Variants in BAZ2B observed in about 807,000 individuals in gnomAD.
BAZ2B encodes the protein bromodomain adjacent to zinc finger domain 2B, also known as bromodomain adjacent to zinc finger domain protein 2B.
Under a neutral mutation model 246.0 loss-of-function variants are expected in BAZ2B, and 91 were observed. The ratio of observed to expected loss-of-function variants is 0.37; its 90% confidence interval spans 0.31 to 0.44. The LOEUF is 0.44. Ranked by LOEUF, BAZ2B falls within the 20% of genes least tolerant of loss-of-function variation. BAZ2B has a pLI of 1.00. For missense variants in BAZ2B, 2,332 were observed against 2,533.7 expected (o/e 0.92, Z 1.71); for synonymous variants, 855 against 860.0 (o/e 0.99, Z 0.10).
In BAZ2B at chr2:159,373,194, T is replaced by G; in HGVS notation, c.4069-5A>C. ...CCTTCTGTACTGACTCTGTTGCTGT[T>G]AAAAAAATGGTACATATAATTAGGT... is the stretch of plus-strand genomic sequence containing the variant. On this transcript the variant is annotated splice_polypyrimidine_tract_variant and splice_region_variant and intron_variant, in intron 26 of 36. Coordinates refer to ENST00000392783, the MANE Select transcript of BAZ2B (RefSeq NM_013450.4). 1 of 1,600,086 alleles carries G rather than the reference T, an allele frequency of 6.2e-7. No individual in the cohort carries two copies. The highest frequency in any genetic ancestry group is 8.5e-7 in the Non-Finnish European group (1 of 1,175,068).
chr2:159,645,398 G>A, the BAZ2B span, among the ~76,000 whole-genome samples: 1 of 152,102 alleles, frequency 6.6e-6, no homozygotes. Flanking sequence ...CACAGATGGA[G>A]CAAGGTGGGA....
the BAZ2B span, among the ~76,000 whole-genome samples, chr2:159,636,204 C>A: frequency 1.3e-5 from 2 of 152,206 alleles, no homozygotes; most frequent in African/African-American, 2.4e-5. Context: ...ATCACAAAAA[C>A]CAAAAGTAAG....
intron 3 of BAZ2B, among the ~76,000 whole-genome samples, chr2:159,454,085 T>A (rs1282294273): frequency 6.6e-6 from 1 of 152,112 alleles, no homozygotes; most frequent in East Asian, 1.9e-4. Flanking sequence ...TTGTCTGACC[T>A]GAGGAAGTGA....
chr2:159,526,114 A>G (rs1200495138), intron 2 of BAZ2B, among the ~76,000 whole-genome samples: 2 of 152,102 alleles, frequency 1.3e-5, no homozygotes, highest in Non-Finnish European at 2.9e-5. Flanking sequence ...ATTTTTTTTT[A>G]CTTCCTAGCT....
At chr2:159,598,273 T>C (rs1691247387) in intron 1 of BAZ2B, among the ~76,000 whole-genome samples, 2 of 152,136 alleles carry the variant, frequency 1.3e-5, no homozygotes, top group African/African-American at 4.8e-5. Flanking sequence ...ACTACAGGCG[T>C]GAGCCACTAC....
chr2:159,708,483 T>C, the BAZ2B span, among the ~76,000 whole-genome samples: 9 of 152,246 alleles, frequency 5.9e-5, no homozygotes, highest in African/African-American at 2.2e-4. Context: ...TAAGCTTAGA[T>C]GTAAGAGAGG....
intron 1 of BAZ2B, among the ~76,000 whole-genome samples, chr2:159,569,075 C>G (rs1683307662): frequency 6.6e-6 from 1 of 152,074 alleles, no homozygotes; most frequent in Non-Finnish European, 1.5e-5. Context: ...CATTCCATAA[C>G]AAATTATGCC....
chr2:159,585,166 G>A (rs1448147811), intron 1 of BAZ2B, among the ~76,000 whole-genome samples: 1 of 152,220 alleles, frequency 6.6e-6, no homozygotes, highest in Non-Finnish European at 1.5e-5. Flanking sequence ...GGGGAAGACT[G>A]TTACAGGGAT....
At chr2:159,433,534 C>T (rs759740017) in intron 8 of BAZ2B, 171 bp from the exon 9 acceptor site, 3 of 530,766 alleles carry the variant, frequency 5.7e-6, no homozygotes, top group South Asian at 4.3e-5. Flanking sequence ...TTGGTTGCTA[C>T]ATTTTGGCTC....
intron 2 of BAZ2B, among the ~76,000 whole-genome samples, chr2:159,542,064 CAGATATG>C (rs2086721269): frequency 6.6e-6 from 1 of 152,064 alleles, no homozygotes; most frequent in Non-Finnish European, 1.5e-5. Context: ...GGATTAACAG[CAGATATG>C]AGTAGGCAGA....
chr2:159,381,325 T>C (rs1322027264), intron 25 of BAZ2B, among the ~76,000 whole-genome samples: 4 of 152,026 alleles, frequency 2.6e-5, no homozygotes, highest in East Asian at 3.9e-4. Flanking sequence ...AAATAATCAT[T>C]TCCTGTCTTC....
At chr2:159,690,087 C>T in the BAZ2B span, 11 of 525,226 alleles carry the variant, frequency 2.1e-5, no homozygotes, top group African/African-American at 2.2e-4. Context: ...CTAAATGCAA[C>T]TTCATCATTC....
At chr2:159,445,060 A>G (rs1356278158) in intron 6 of BAZ2B, 1 of 152,220 alleles carries the variant, frequency 6.6e-6, no homozygotes, top group Admixed American at 6.5e-5. Context: ...CCTGGACTCA[A>G]TGATGACCTA....
At chr2:159,690,022 A>G in the BAZ2B span, 2 of 414,236 alleles carry the variant, frequency 4.8e-6, no homozygotes, top group Admixed American at 6.8e-5. Flanking sequence ...GATCCATGAC[A>G]TGGAAGTTGG....
chr2:159,577,055 C>A (rs980857522), intron 1 of BAZ2B, among the ~76,000 whole-genome samples: 1 of 151,814 alleles, frequency 6.6e-6, no homozygotes, highest in Non-Finnish European at 1.5e-5. Context: ...GTGAGACCCT[C>A]ATTTTTCCAA....
the BAZ2B span, among the ~76,000 whole-genome samples, chr2:159,676,952 T>TTA: frequency 0.042 from 4,892 of 116,536 alleles, 111 homozygotes; most frequent in East Asian, 0.052. Context: ...AATAGTTTTG[T>TTA]TATATATATA....
At chr2:159,645,826 A>G in the BAZ2B span, among the ~76,000 whole-genome samples, 2 of 152,002 alleles carry the variant, frequency 1.3e-5, no homozygotes, top group African/African-American at 4.8e-5. Context: ...TTTATTAGGG[A>G]TTTGCAAAAG....
At chr2:159,593,915 C>T (rs1265799770) in intron 1 of BAZ2B, among the ~76,000 whole-genome samples, 1 of 152,102 alleles carries the variant, frequency 6.6e-6, no homozygotes, top group African/African-American at 2.4e-5. Context: ...CAGGCCTGTC[C>T]CTGCTTTGTT....
At chr2:159,581,938 A>G (rs1578608981) in intron 1 of BAZ2B, among the ~76,000 whole-genome samples, 1 of 98,494 alleles carries the variant, frequency 1.0e-5, no homozygotes, top group Non-Finnish European at 1.9e-5. Flanking sequence ...GGGAGGGGGG[A>G]GGGATAGCAT....
Sources: allele counts gnomAD v4.1 joint callset (sites outside exome capture counted in the v4.1 genomes callset), GRCh38; gene constraint gnomAD v4.1.1; transcripts MANE v1.5; gene names NCBI Gene and HGNC (gene_info 2026-07-23, HGNC 2026-07-21).